Variants in MTUS2 observed in about 807,000 individuals in gnomAD.
MTUS2 encodes microtubule associated scaffold protein 2, also known as microtubule-associated tumor suppressor candidate 2.
In MTUS2, 40 loss-of-function variants were observed where a neutral mutation model predicts 114.1. That is an observed-to-expected ratio of 0.35 (90% CI 0.27 to 0.46). The LOEUF (loss-of-function observed/expected upper bound fraction) is 0.46, where lower values mean the gene tolerates loss of function less well. Among genes scored for constraint, MTUS2 ranks in the 20% least tolerant of loss-of-function variants. The pLI is 1.00. For missense variants in MTUS2, 1,679 were observed against 1,705.4 expected (o/e 0.98, Z 0.27); for synonymous variants, 688 against 672.0 (o/e 1.02, Z -0.37).
chr13:29,040,863 G>T (rs1266387973), intron 4 of MTUS2, among the ~76,000 whole-genome samples: 1 of 152,082 alleles, frequency 6.6e-6, no homozygotes, highest in Non-Finnish European at 1.5e-5. Context: ...TTAGTCCTTT[G>T]TCAGATGCAT....
chr13:29,268,381 C>CA (rs955853520), intron 5 of MTUS2, among the ~76,000 whole-genome samples: 6 of 152,170 alleles, frequency 3.9e-5, no homozygotes, highest in African/African-American at 1.4e-4. Context: ...GACTGAGGGT[C>CA]AAGCCGTGTC....
intron 8 of MTUS2, among the ~76,000 whole-genome samples, chr13:29,360,274 A>C (rs1194361622): frequency 6.6e-6 from 1 of 152,214 alleles, no homozygotes; most frequent in African/African-American, 2.4e-5. Flanking sequence ...AGTGCTGTAT[A>C]AATGCTCTCC....
intron 2 of MTUS2, among the ~76,000 whole-genome samples, chr13:28,988,385 T>G (rs1274162466): frequency 6.6e-6 from 1 of 152,208 alleles, no homozygotes; most frequent in Non-Finnish European, 1.5e-5. Context: ...ATCTGTTTGT[T>G]CCCGGGGAAT....
intron 2 of MTUS2, among the ~76,000 whole-genome samples, chr13:28,894,854 G>A (rs577820119): frequency 1.5e-3 from 227 of 152,270 alleles, no homozygotes; most frequent in African/African-American, 4.4e-3. Flanking sequence ...AGCCTTTTGT[G>A]TGTTTTACTA....
At chr13:29,158,192 T>A (rs2139065770) in intron 5 of MTUS2, among the ~76,000 whole-genome samples, 1 of 152,130 alleles carries the variant, frequency 6.6e-6, no homozygotes, top group South Asian at 2.1e-4. Context: ...GCACTTTGAT[T>A]TCTGGAAGGA....
intron 2 of MTUS2, among the ~76,000 whole-genome samples, chr13:28,846,846 A>T (rs1284889172): frequency 6.6e-6 from 1 of 152,224 alleles, no homozygotes; most frequent in Non-Finnish European, 1.5e-5. Context: ...TACCTCATGC[A>T]TCCCTGTACC....
intron 5 of MTUS2, among the ~76,000 whole-genome samples, chr13:29,221,755 C>A (rs1246349355): frequency 3.9e-5 from 6 of 151,962 alleles, no homozygotes; most frequent in Non-Finnish European, 7.4e-5. Flanking sequence ...AAGTTTTACT[C>A]CAGTTTACCA....
At position 29,428,909 on chromosome 13, in the gene MTUS2, C is replaced by T. The variant is rs201491909; in HGVS notation, c.3118-11074C>T. On this transcript the variant is annotated intron_variant, in intron 8 of 15. Transcript: ENST00000612955. Reference sequence around the variant, plus strand: ...CCTGGACAAGACGGTACTTTGCCTTCCCTCTCTCTTCTTCCCCCTCCTCCT... The same window carrying T: ...CCTGGACAAGACGGTACTTTGCCTTTCCTCTCTCTTCTTCCCCCTCCTCCT... 9 of 1,612,984 alleles carry T rather than the reference C, an allele frequency of 5.6e-6. No individual in the cohort carries two copies. The Middle Eastern group carries it at 6.6e-4, about 118-fold the overall frequency.
chr13:28,972,792 CAG>C (rs1467221032), intron 2 of MTUS2, among the ~76,000 whole-genome samples: 1 of 152,028 alleles, frequency 6.6e-6, no homozygotes, highest in Non-Finnish European at 1.5e-5. Context: ...CACAAAAACA[CAG>C]AAAATAATTC....
intron 8 of MTUS2, among the ~76,000 whole-genome samples, chr13:29,398,229 G>A (rs1253987964): frequency 6.6e-6 from 1 of 152,312 alleles, no homozygotes; most frequent in East Asian, 1.9e-4. Flanking sequence ...GGGCGGCTGA[G>A]GCGGGTGGAC....
chr13:29,380,901 C>T lies in MTUS2; in HGVS notation c.3117+21428C>T, dbSNP rs1593374419. 1.5e-4 allele frequency among the ~76,000 whole-genome samples: 2 copies of T among 12,952 alleles called. 1 individual carries two copies. Among genetic ancestry groups the T allele is most frequent in the Non-Finnish European group, 8.4e-4 (2 of 2,378 alleles). The allele number at this position is 12,952 out of a possible 152,430, so 8.5% of individuals were successfully genotyped here. On this transcript the variant is annotated intron_variant, in intron 8 of 15. Transcript: ENST00000612955. ...ACTGCAGTCCGCAGTCTGGCCTGGG[C>T]GACAGAGCGAGACTCCGTCTCAAAA... is the stretch of plus-strand genomic sequence containing the variant.
chr13:29,426,439 T>G (rs1351015860), intron 8 of MTUS2, among the ~76,000 whole-genome samples: 1 of 152,226 alleles, frequency 6.6e-6, no homozygotes, highest in Non-Finnish European at 1.5e-5. Context: ...CCATCATAAG[T>G]GGGGAACAGT....
chr13:29,171,776 A>G (rs541560551), intron 5 of MTUS2, among the ~76,000 whole-genome samples: 4 of 152,356 alleles, frequency 2.6e-5, no homozygotes, highest in Admixed American at 6.5e-5. Flanking sequence ...CTGTAGTTCA[A>G]TGCTTCTACC....
chr13:29,173,596 A>T (rs564124596), intron 5 of MTUS2, among the ~76,000 whole-genome samples: 107 of 152,260 alleles, frequency 7.0e-4, no homozygotes, highest in Non-Finnish European at 7.5e-4. Flanking sequence ...AACATCTTTC[A>T]TTTCTTTAGG....
intron 2 of MTUS2, among the ~76,000 whole-genome samples, chr13:28,958,858 G>A (rs1461097194): frequency 6.6e-6 from 1 of 152,106 alleles, no homozygotes; most frequent in Admixed American, 6.5e-5. Context: ...GAAGGATAAG[G>A]CAATGCATAA....
In MTUS2 at chr13:29,504,443, A is replaced by G. The variant is rs1320921267; in HGVS notation, c.*1237A>G. The G allele has an allele frequency of 4.3e-6, 1 of 232,208 alleles. No individual in the cohort carries two copies. Among genetic ancestry groups the G allele is most frequent in the East Asian group, 6.1e-5 (1 of 16,408 alleles). The allele number at this position is 232,208 out of a possible 1,614,324, so 14.4% of individuals were successfully genotyped here. On this transcript the variant is annotated 3_prime_UTR_variant, in exon 16 of 16. Transcript: ENST00000612955. ...CGGGGGACCAGTTCTGAGCTGTGCT[A>G]GATCATCACACGACCACCCAGAAAC...
chr13:29,069,416 T>C (rs1338577729), intron 4 of MTUS2, among the ~76,000 whole-genome samples: 1 of 152,192 alleles, frequency 6.6e-6, no homozygotes, highest in East Asian at 1.9e-4. Context: ...TTCGTCTACC[T>C]TTTTGCTCTT....
chr13:29,281,791 C>T lies in MTUS2; in HGVS notation c.2732C>T (p.Pro911Leu), dbSNP rs1007161201. 6.2e-7 allele frequency: 1 copy of T among 1,612,208 alleles called. No individual in the cohort carries two copies. Among genetic ancestry groups the T allele is most frequent in the Non-Finnish European group, 8.5e-7 (1 of 1,178,612 alleles). The change falls in exon 6 of 16, where the codon CCT (proline) becomes CTT (leucine). Residue 911 changes from proline to leucine, a missense_variant. Pro to Leu is a moderately conservative substitution (Grantham distance 98). This residue lies in a region of MTUS2 where 822 missense variants were observed against 899.7 expected (regional missense o/e 0.91). Transcript: ENST00000612955. ...CCCAAGGGGGCCGGCCGGGTGGCCC[C>T]TCCAGCATCCTCCAGTGTGACAGCA... Reference protein sequence around the residue: ...DTPKGAGRVAPPASSSVTAPR... With the variant: ...DTPKGAGRVALPASSSVTAPR...
chr13:29,270,482 T>TAGC, intron 5 of MTUS2, among the ~76,000 whole-genome samples: 1 of 152,278 alleles, frequency 6.6e-6, no homozygotes, highest in Non-Finnish European at 1.5e-5. Flanking sequence ...CCCTGAGGGC[T>TAGC]AAGCAGTTCA....
Sources: allele counts gnomAD v4.1 joint callset (sites outside exome capture counted in the v4.1 genomes callset), GRCh38; gene constraint gnomAD v4.1.1; regional missense constraint gnomAD v4.1.1; transcripts MANE v1.5; gene names NCBI Gene and HGNC (gene_info 2026-07-23, HGNC 2026-07-21).